The following ASNS variants were observed in gnomAD, a reference collection of about 807,000 sequenced individuals.
ASNS encodes the protein asparagine synthetase [glutamine-hydrolyzing].
Under a neutral mutation model 62.6 loss-of-function variants are expected in ASNS, and 37 were observed. The ratio of observed to expected loss-of-function variants is 0.59; its 90% confidence interval spans 0.45 to 0.78. The LOEUF is 0.78. Among genes scored for constraint, ASNS ranks in the 30% least tolerant of loss-of-function variants. The pLI, the probability that ASNS is intolerant of heterozygous loss-of-function variation, is 0.00. For synonymous variants in ASNS, 207 were observed against 237.9 expected (o/e 0.87, Z 1.19); for missense variants, 520 against 682.4 (o/e 0.76, Z 2.65).
chr7:97,852,612 C>T, intron 12 of ASNS, 144 bp from the exon 13 acceptor site: 2 of 796,936 alleles, frequency 2.5e-6, no homozygotes, highest in Non-Finnish European at 4.1e-6. Flanking sequence ...TTAGAAAATG[C>T]TAAAGTATTC....
At chr7:97,890,456 A>C in the ASNS span, among the ~76,000 whole-genome samples, 1 of 152,240 alleles carries the variant, frequency 6.6e-6, no homozygotes, top group South Asian at 2.1e-4. Flanking sequence ...TTATAAGAGA[A>C]TCTCCATCAG....
At chr7:97,876,154 G>T (rs1437197313), upstream of ASNS, among the ~76,000 whole-genome samples, 3 of 152,226 alleles carry the variant, frequency 2.0e-5, no homozygotes, top group East Asian at 5.8e-4. Flanking sequence ...GCCGCACCCG[G>T]CCTTGAGTAT....
the ASNS span, among the ~76,000 whole-genome samples, chr7:97,917,345 C>T: frequency 3.3e-5 from 5 of 152,334 alleles, no homozygotes; most frequent in East Asian, 1.9e-4. Context: ...AAGCCACGGC[C>T]GTGCTCACAC....
the ASNS span, among the ~76,000 whole-genome samples, chr7:97,885,571 T>C: frequency 6.6e-6 from 1 of 152,236 alleles, no homozygotes; most frequent in Non-Finnish European, 1.5e-5. Flanking sequence ...CACATTGACC[T>C]GGGTCACCCT....
At position 97,864,274 on chromosome 7, in the gene ASNS, A is replaced by C; in HGVS notation, c.472T>G (p.Cys158Gly). The change falls in exon 4 of 13, where the codon TGT (cysteine) becomes GGT (glycine). Residue 158 changes from cysteine to glycine, a missense_variant. Coordinates refer to ENST00000394308, the MANE Select transcript of ASNS (RefSeq NM_001673.5). ...TTATTATTACCTTTAGCTTCTGAAC[A>C]TACAGCCAAAAATCCATCTTCTGTC... ...AMTEDGFLAVCSEAKGLVTLK... is the reference protein window; with the variant it reads ...AMTEDGFLAVGSEAKGLVTLK... 2 of 1,613,406 alleles carry C rather than the reference A, an allele frequency of 1.2e-6. No homozygotes were observed. The highest frequency in any genetic ancestry group is 1.7e-6 in the Non-Finnish European group (2 of 1,179,570).
chr7:97,927,906 C>G, the ASNS span, among the ~76,000 whole-genome samples: 50 of 151,402 alleles, frequency 3.3e-4, no homozygotes, highest in African/African-American at 1.1e-3. Context: ...CAGGGGGGCT[C>G]TGATGCAGCC....
chr7:97,870,337 A>G (rs1469052791), intron 1 of ASNS: 7 of 405,958 alleles, frequency 1.7e-5, no homozygotes, highest in Non-Finnish European at 2.6e-5. Flanking sequence ...AAAAATAACT[A>G]TTTTGGTGTT....
At chr7:97,927,369 A>G in the ASNS span, among the ~76,000 whole-genome samples, 16 of 152,236 alleles carry the variant, frequency 1.1e-4, no homozygotes, top group Middle Eastern at 0.014. Flanking sequence ...GCATCCCTTA[A>G]TCTCAGCAGT....
chr7:97,865,764 T>C (rs920508460), intron 3 of ASNS, among the ~76,000 whole-genome samples: 15 of 152,182 alleles, frequency 9.9e-5, no homozygotes, highest in Non-Finnish European at 2.1e-4. Context: ...CAATGGATAA[T>C]GCACATAAGT....
the ASNS span, among the ~76,000 whole-genome samples, chr7:97,883,256 T>G: frequency 6.6e-6 from 1 of 151,464 alleles, no homozygotes; most frequent in African/African-American, 2.4e-5. Context: ...GAAGGAGGAG[T>G]TGTTGGCTGT....
At chr7:97,885,855 C>T in the ASNS span, 1,314 of 433,132 alleles carry the variant, frequency 3.0e-3, 13 homozygotes, top group African/African-American at 0.024. Context: ...TGACACTTCT[C>T]GCACATTTCA....
chr7:97,889,582 T>C, the ASNS span, among the ~76,000 whole-genome samples: 1 of 151,504 alleles, frequency 6.6e-6, no homozygotes, highest in Non-Finnish European at 1.5e-5. Flanking sequence ...CTCATGCCAA[T>C]TACAGCTGAA....
At chr7:97,921,312 G>A in the ASNS span, among the ~76,000 whole-genome samples, 1 of 152,142 alleles carries the variant, frequency 6.6e-6, no homozygotes, top group African/African-American at 2.4e-5. Flanking sequence ...CCCTTTTCTT[G>A]AGAGCCAGAT....
intron 8 of ASNS, 83 bp from the exon 9 acceptor site, chr7:97,855,542 T>G: frequency 9.8e-7 from 1 of 1,020,030 alleles, no homozygotes; most frequent in Non-Finnish European, 1.5e-6. Context: ...TGGAAATAAT[T>G]GAAAGCTTTA....
chr7:97,862,628 A>AT (rs551789180), intron 4 of ASNS, among the ~76,000 whole-genome samples: 8 of 152,194 alleles, frequency 5.3e-5, no homozygotes, highest in Non-Finnish European at 1.2e-4. Flanking sequence ...CAGTTAATAT[A>AT]TAAGTATCAG....
At chr7:97,871,520 G>A (rs1055251397) in intron 1 of ASNS, among the ~76,000 whole-genome samples, 6 of 151,306 alleles carry the variant, frequency 4.0e-5, no homozygotes, top group African/African-American at 1.5e-4. Context: ...AAAAACTGCT[G>A]TTAAATTATT....
intron 3 of ASNS, among the ~76,000 whole-genome samples, chr7:97,868,316 T>C (rs1287294772): frequency 6.6e-6 from 1 of 152,024 alleles, no homozygotes; most frequent in Admixed American, 6.6e-5. Context: ...TCAAAATAAA[T>C]AAATAAATAA....
the ASNS span, among the ~76,000 whole-genome samples, chr7:97,919,117 T>A: frequency 0.011 from 1,631 of 151,906 alleles, 20 homozygotes; most frequent in African/African-American, 0.038. Flanking sequence ...CAGTCTGGAG[T>A]CCAGGGACAC....
chr7:97,909,294 C>CTTTTTTTTTTTTTTTTTTT, the ASNS span, among the ~76,000 whole-genome samples: 1 of 72,620 alleles, frequency 1.4e-5, no homozygotes, highest in African/African-American at 5.7e-5. Context: ...CTCACATACA[C>CTTTTTTTTTTTTTTTTTTT]TTTTTTTTTT....
Sources: gnomAD v4.1 joint callset for allele counts (sites outside exome capture counted in the v4.1 genomes callset) on GRCh38, gnomAD v4.1.1 for gene constraint, MANE v1.5 for transcripts, NCBI Gene and HGNC (gene_info 2026-07-23, HGNC 2026-07-21) for gene names.